The following ZBTB20 variants were observed in gnomAD, a reference collection of about 807,000 sequenced individuals.
ZBTB20 encodes the protein zinc finger and BTB domain-containing protein 20.
A neutral mutation model predicts 56.9 loss-of-function variants in ZBTB20; 9 were observed. That is an observed-to-expected ratio of 0.16 (90% confidence interval 0.10 to 0.28). The LOEUF (loss-of-function observed/expected upper bound fraction) is 0.28. Among genes scored for constraint, ZBTB20 ranks in the 10% least tolerant of loss-of-function variants. The pLI is 1.00. For missense variants in ZBTB20, 655 were observed against 1,003.0 expected (o/e 0.65, Z 4.69); for synonymous variants, 417 against 420.7 (o/e 0.99, Z 0.11).
At chr3:114,463,196 A>C (rs906841113) in intron 7 of ZBTB20, among the ~76,000 whole-genome samples, 2 of 152,244 alleles carry the variant, frequency 1.3e-5, no homozygotes, top group African/African-American at 4.8e-5. Context: ...TGGATGATGT[A>C]TCCAAAATGC....
chr3:114,647,670 T>A (rs1390482865), intron 6 of ZBTB20, among the ~76,000 whole-genome samples: 2 of 152,174 alleles, frequency 1.3e-5, no homozygotes, highest in African/African-American at 2.4e-5. Flanking sequence ...AAGAGGTGAT[T>A]ATCTATGAAA....
chr3:114,803,069 T>G (rs2071835790), intron 4 of ZBTB20, among the ~76,000 whole-genome samples: 1 of 151,762 alleles, frequency 6.6e-6, no homozygotes, highest in African/African-American at 2.4e-5. Flanking sequence ...TCCTCTTTGA[T>G]CTTTTTCTTC....
At chr3:115,145,492 A>T (rs1393897652) in intron 1 of ZBTB20, among the ~76,000 whole-genome samples, 1 of 152,216 alleles carries the variant, frequency 6.6e-6, no homozygotes, top group Non-Finnish European at 1.5e-5. Context: ...TAGGTTACTT[A>T]TAACACCTAA....
intron 4 of ZBTB20, among the ~76,000 whole-genome samples, chr3:114,860,664 T>C (rs2075483582): frequency 6.6e-6 from 1 of 152,158 alleles, no homozygotes; most frequent in Non-Finnish European, 1.5e-5. Context: ...AAGGTGAAAA[T>C]AAAGCACCTG....
At chr3:114,364,978 G>A (rs1371632968) in intron 10 of ZBTB20, among the ~76,000 whole-genome samples, 2 of 152,050 alleles carry the variant, frequency 1.3e-5, no homozygotes, top group Admixed American at 6.6e-5. Context: ...CTGATGTGCC[G>A]GCGCCTGGTG....
intron 6 of ZBTB20, among the ~76,000 whole-genome samples, chr3:114,579,828 A>C (rs532672407): frequency 1.3e-5 from 2 of 151,818 alleles, no homozygotes; most frequent in African/African-American, 4.8e-5. Flanking sequence ...ATTTAAAAAA[A>C]ATAACTTCCC....
intron 1 of ZBTB20, among the ~76,000 whole-genome samples, chr3:115,115,025 C>G (rs2083981103): frequency 2.6e-5 from 4 of 152,080 alleles, no homozygotes. Flanking sequence ...GCCCATTCTC[C>G]ATCTTATTAC....
chr3:114,685,193 A>G (rs936979334), intron 6 of ZBTB20, among the ~76,000 whole-genome samples: 1 of 152,134 alleles, frequency 6.6e-6, no homozygotes, highest in African/African-American at 2.4e-5. Context: ...CCCCAAACAA[A>G]GCCACCATCC....
chr3:114,493,157 C>A (rs2042922205), intron 7 of ZBTB20, among the ~76,000 whole-genome samples: 1 of 152,020 alleles, frequency 6.6e-6, no homozygotes, highest in African/African-American at 2.4e-5. Flanking sequence ...GCTTTTTCAC[C>A]CAATGTAATA....
At position 114,670,484 on chromosome 3, in the gene ZBTB20, G is replaced by C. The variant is rs189283100; in HGVS notation, c.-295+23044C>G. Among the ~76,000 whole-genome samples, 8 of 152,062 alleles carry C rather than the reference G, an allele frequency of 5.3e-5. No homozygotes were observed. In the East Asian group the frequency reaches 1.6e-3, roughly 30 times the overall value. On this transcript the variant is annotated intron_variant, in intron 6 of 11. Transcript: ENST00000675478. ...ACACTTGCCTTTTTCTACCTTAAGG[G>C]AAGTTCTAGGATCAGGGAGATGGAG...
At chr3:114,504,896 T>C (rs745710618) in intron 6 of ZBTB20, among the ~76,000 whole-genome samples, 2 of 152,202 alleles carry the variant, frequency 1.3e-5, no homozygotes, top group Non-Finnish European at 2.9e-5. Context: ...GCTGCTGGCG[T>C]CTGAATAAGT....
intron 5 of ZBTB20, among the ~76,000 whole-genome samples, chr3:114,766,666 C>G (rs79051790): frequency 0.034 from 5,212 of 152,042 alleles, 145 homozygotes; most frequent in African/African-American, 0.07. Flanking sequence ...TTTGTTTGCT[C>G]TGTTAAATAG....
At chr3:114,762,579 G>T (rs2068513855) in intron 5 of ZBTB20, among the ~76,000 whole-genome samples, 1 of 152,066 alleles carries the variant, frequency 6.6e-6, no homozygotes, top group African/African-American at 2.4e-5. Flanking sequence ...TTCTGATTTG[G>T]GATAAAGGAC....
At position 114,451,205 on chromosome 3, in the gene ZBTB20, CA is replaced by C. The variant is rs10667324; in HGVS notation, c.-255+49146del. 5.8e-3 allele frequency among the ~76,000 whole-genome samples: 784 copies of C among 136,254 alleles called. 5 individuals are homozygous for C. The highest frequency in any genetic ancestry group is 7.2e-3 in the Non-Finnish European group (459 of 63,918). 89.4% of individuals were successfully genotyped at this position (136,254 alleles called of 152,430 possible). ...TGCTTTCAAGCTTAACAGAGGATGC[CA>C]AAAAAAAAAAAAAAATCAACGATTA... On this transcript the variant is annotated intron_variant, in intron 7 of 11. Transcript: ENST00000675478.
intron 6 of ZBTB20, among the ~76,000 whole-genome samples, chr3:114,632,371 C>A (rs552862747): frequency 8.5e-5 from 13 of 152,326 alleles, no homozygotes; most frequent in African/African-American, 2.6e-4. Context: ...CTCTCCCCTG[C>A]AATTCCTGAG....
Position 114,988,500 on chromosome 3 carries a change from T to C in ZBTB20, c.-506-14084A>G, listed in dbSNP as rs186129334. Among the ~76,000 whole-genome samples, 1,227 of 152,204 alleles carry C rather than the reference T, an allele frequency of 8.1e-3. 7 individuals carry two copies. The highest frequency in any genetic ancestry group is 0.013 in the Non-Finnish European group (869 of 68,012). On this transcript the variant is annotated intron_variant, in intron 2 of 11. Coordinates refer to ENST00000675478, the MANE Select transcript of ZBTB20 (RefSeq NM_001348800.3). Reference sequence around the variant, plus strand: ...CACATTTTCTTAATCCAGTCTATCATTGATGGACATTTGGGTTGATTCCAA... The same window carrying C: ...CACATTTTCTTAATCCAGTCTATCACTGATGGACATTTGGGTTGATTCCAA...
intron 6 of ZBTB20, among the ~76,000 whole-genome samples, chr3:114,685,843 G>T (rs2062304125): frequency 6.6e-6 from 1 of 151,930 alleles, no homozygotes; most frequent in Non-Finnish European, 1.5e-5. Context: ...TAAATGAAAA[G>T]GAAGAAGAAA....
At chr3:114,657,243 GA>G (rs1397026255) in intron 6 of ZBTB20, among the ~76,000 whole-genome samples, 2 of 152,174 alleles carry the variant, frequency 1.3e-5, no homozygotes, top group African/African-American at 2.4e-5. Flanking sequence ...TTATTTGACA[GA>G]AACTTTCAAT....
intron 2 of ZBTB20, among the ~76,000 whole-genome samples, chr3:115,022,775 G>T (rs562132995): frequency 7.0e-4 from 105 of 151,066 alleles, no homozygotes; most frequent in Non-Finnish European, 1.2e-3. Flanking sequence ...GTGGTTTTGT[G>T]CAGTTTCTAA....
Sources: gnomAD v4.1 joint callset for allele counts (sites outside exome capture counted in the v4.1 genomes callset) on GRCh38, gnomAD v4.1.1 for gene constraint, MANE v1.5 for transcripts, NCBI Gene and HGNC (gene_info 2026-07-23, HGNC 2026-07-21) for gene names.